Variants in FHDC1 observed in about 807,000 individuals in gnomAD.
The protein encoded by FHDC1 is FH2 domain containing 1, also known as FH2 domain-containing protein 1.
A neutral mutation model predicts 52.6 loss-of-function variants in FHDC1; 25 were observed. The ratio of observed to expected loss-of-function variants is 0.48; its 90% CI spans 0.35 to 0.66. The LOEUF (loss-of-function observed/expected upper bound fraction) is 0.66. Ranked by LOEUF, FHDC1 falls within the 30% of genes least tolerant of loss-of-function variation. The pLI is 0.01. For synonymous variants in FHDC1, 616 were observed against 581.5 expected (o/e 1.06, Z -0.85); for missense variants, 1,459 against 1,452.8 (o/e 1.00, Z -0.07).
At chr4:152,940,067 C>T (rs979485966) in intron 1 of FHDC1, among the ~76,000 whole-genome samples, 1 of 152,210 alleles carries the variant, frequency 6.6e-6, no homozygotes, top group African/African-American at 2.4e-5. Flanking sequence ...GCAGCAAATC[C>T]ATCGTTCTTT....
intron 2 of FHDC1, among the ~76,000 whole-genome samples, chr4:152,950,323 G>T (rs991406037): frequency 1.3e-5 from 2 of 152,204 alleles, no homozygotes; most frequent in African/African-American, 4.8e-5. Context: ...TGCTTTGGAA[G>T]GATCGAATGC....
At chr4:152,965,534 T>C (rs943385926) in intron 9 of FHDC1, among the ~76,000 whole-genome samples, 2 of 152,246 alleles carry the variant, frequency 1.3e-5, no homozygotes, top group African/African-American at 4.8e-5. Flanking sequence ...AATGTAGATA[T>C]GTATCTTAAT....
At chr4:152,944,800 C>T (rs1739679091) in intron 2 of FHDC1, among the ~76,000 whole-genome samples, 3 of 152,204 alleles carry the variant, frequency 2.0e-5, no homozygotes, top group South Asian at 4.1e-4. Flanking sequence ...CACAGGCTTG[C>T]CTGTCTCTTC....
the FHDC1 span, among the ~76,000 whole-genome samples, chr4:152,925,437 AG>A: frequency 6.6e-6 from 1 of 152,328 alleles, no homozygotes; most frequent in African/African-American, 2.4e-5. Flanking sequence ...TGTACATTAA[AG>A]GAACTCTTAG....
chr4:152,948,606 C>A (rs191465992), intron 2 of FHDC1, among the ~76,000 whole-genome samples: 11 of 152,230 alleles, frequency 7.2e-5, no homozygotes, highest in Admixed American at 3.9e-4. Context: ...GCACATACCA[C>A]CACGCCCAGC....
chr4:152,939,917 G>T (rs1049940790), intron 1 of FHDC1, among the ~76,000 whole-genome samples: 3 of 152,186 alleles, frequency 2.0e-5, no homozygotes, highest in African/African-American at 7.2e-5. Flanking sequence ...CAGAGTGGGG[G>T]CTAATCCCAT....
At chr4:152,922,442 G>A in the FHDC1 span, among the ~76,000 whole-genome samples, 1 of 152,080 alleles carries the variant, frequency 6.6e-6, no homozygotes, top group Non-Finnish European at 1.5e-5. Flanking sequence ...GGAGGAACTG[G>A]TACCATTCCT....
chr4:152,915,692 A>G, the FHDC1 span, among the ~76,000 whole-genome samples: 22 of 152,164 alleles, frequency 1.4e-4, no homozygotes, highest in Non-Finnish European at 2.9e-4. Context: ...AGAAATCACC[A>G]TGTTGAAACC....
chr4:152,923,801 C>G, the FHDC1 span, among the ~76,000 whole-genome samples: 1 of 151,954 alleles, frequency 6.6e-6, no homozygotes, highest in Non-Finnish European at 1.5e-5. Flanking sequence ...ACTGGCTAGC[C>G]ATATGTAGAA....
intron 2 of FHDC1, among the ~76,000 whole-genome samples, chr4:152,944,323 C>A (rs1225510752): frequency 6.7e-6 from 1 of 148,500 alleles, no homozygotes; most frequent in Admixed American, 7.0e-5. Context: ...CTTGAAGAAA[C>A]CTCTACCTGC....
intron 2 of FHDC1, among the ~76,000 whole-genome samples, chr4:152,946,118 C>T (rs1395886389): frequency 6.6e-6 from 1 of 152,206 alleles, no homozygotes; most frequent in African/African-American, 2.4e-5. Context: ...TGTTTATCCG[C>T]TCATCTGTTG....
intron 2 of FHDC1, 104 bp downstream of exon 2, chr4:152,943,659 G>A (rs1387463070): frequency 3.0e-6 from 4 of 1,335,614 alleles, no homozygotes; most frequent in Non-Finnish European, 4.1e-6. Flanking sequence ...TAAGAAATGA[G>A]ATAATACAAG....
At chr4:152,952,309 T>C (rs1739951160) in intron 2 of FHDC1, among the ~76,000 whole-genome samples, 1 of 152,164 alleles carries the variant, frequency 6.6e-6, no homozygotes, top group Non-Finnish European at 1.5e-5. Flanking sequence ...TTGTTTTTTA[T>C]TTTCTCAGTT....
rs1740821102 is a variant in FHDC1, at chr4:152,975,288, T to G, written c.1997T>G (p.Leu666Trp). 3 of 1,613,494 alleles carry G rather than the reference T, an allele frequency of 1.9e-6. No homozygotes were observed. The South Asian group carries it at 3.3e-5, about 18-fold the overall frequency. The change falls in exon 12 of 12, where the codon TTG becomes TGG. Residue 666 changes from leucine to tryptophan, a missense_variant. Leu to Trp is a moderately conservative substitution (Grantham distance 61). This residue lies in a region of FHDC1 where 939 missense variants were observed against 854.5 expected (regional missense o/e 1.10). Transcript: ENST00000511601. ...GCACAGTCCCCTCCTCTCTCGCCAT[T>G]GGCTCTGGGAATTAAGGAGCATGAG... Reference protein sequence around the residue: ...GSAQSPPLSPLALGIKEHELV... With the variant: ...GSAQSPPLSPWALGIKEHELV...
rs200408489 is a variant in FHDC1, at chr4:152,976,018, C to G, written c.2727C>G (p.Thr909=). ...GCATGCGCAAGGTCATGCCCATCAC[C>G]AAGTCCAGCAGAGGCGCCGGCTGGA... ...NESMRKVMPI[T]KSSRGAGWRR... is the part of the protein sequence containing the mutation. The change falls in exon 12 of 12, where the codon ACC becomes ACG. Residue 909 remains threonine (T), a synonymous_variant. Transcript: ENST00000511601. 2.1e-5 allele frequency: 32 copies of G among 1,551,476 alleles called. No individual in the cohort carries two copies. The East Asian group carries it at 6.1e-4, about 29-fold the overall frequency.
Position 152,975,614 on chromosome 4 carries a change from G to A in FHDC1, c.2323G>A (p.Asp775Asn), listed in dbSNP as rs140973705. The A allele has an allele frequency of 1.9e-6, 3 of 1,613,482 alleles. No individual in the cohort carries two copies. Among genetic ancestry groups the A allele is most frequent in the African/African-American group, 2.7e-5 (2 of 74,918 alleles). The stretch of plus-strand genomic sequence containing the variant: ...TCCTAGACCTCTGTTCTGCATCTCG[G>A]ACACCACCGACTGCTCACTGACCCT... ...KDPRPLFCISDTTDCSLTLDC... is the reference protein window; with the variant it reads ...KDPRPLFCISNTTDCSLTLDC... Residue 775 changes from aspartate (D) to asparagine (N), a missense_variant, in exon 12 of 12, where the codon GAC (aspartate) becomes AAC (asparagine). Around this residue, in one of 3 missense-constraint regions of FHDC1, gnomAD observed 939 missense variants for 854.5 expected, o/e 1.10. Coordinates refer to ENST00000511601, the MANE Select transcript of FHDC1 (RefSeq NM_001371116.1).
intron 11 of FHDC1, 67 bp downstream of exon 11, chr4:152,972,608 CA>C: frequency 1.3e-6 from 2 of 1,520,940 alleles, no homozygotes; most frequent in Non-Finnish European, 8.8e-7. Context: ...TCGACCTAGT[CA>C]TCTGCTCACC....
At chr4:152,938,795 A>G (rs1219090857) in intron 1 of FHDC1, among the ~76,000 whole-genome samples, 2 of 152,156 alleles carry the variant, frequency 1.3e-5, no homozygotes, top group Non-Finnish European at 2.9e-5. Flanking sequence ...GTGAGTGACC[A>G]GCTGAGCACC....
intron 2 of FHDC1, among the ~76,000 whole-genome samples, chr4:152,948,998 A>G (rs1421797324): frequency 6.6e-6 from 1 of 151,832 alleles, no homozygotes; most frequent in East Asian, 1.9e-4. Flanking sequence ...CTGATGCAGG[A>G]GGATTGCTTG....
Sources: gnomAD v4.1 joint callset for allele counts (sites outside exome capture counted in the v4.1 genomes callset) on GRCh38, gnomAD v4.1.1 for gene constraint, gnomAD v4.1.1 regional missense constraint, MANE v1.5 for transcripts, NCBI Gene and HGNC (gene_info 2026-07-23, HGNC 2026-07-21) for gene names.